Variants in SLF2 observed in about 807,000 individuals in gnomAD.
The protein encoded by SLF2 is SMC5-SMC6 complex localization factor protein 2.
SLF2 carries 68 observed loss-of-function variants against 124.3 expected under a neutral mutation model. That is an observed-to-expected ratio of 0.55 (90% CI 0.45 to 0.67). The LOEUF (loss-of-function observed/expected upper bound fraction) is 0.67. Among genes scored for constraint, SLF2 ranks in the 30% least tolerant of loss-of-function variants. The probability of loss-of-function intolerance (pLI) is 0.00; values close to 1 mark genes in which losing one functional copy is unlikely to be tolerated. For missense variants in SLF2, 1,246 were observed against 1,373.7 expected (o/e 0.91, Z 1.47); for synonymous variants, 480 against 478.8 (o/e 1.00, Z -0.03).
intron 18 of SLF2, among the ~76,000 whole-genome samples, chr10:100,957,005 A>G (rs1405620872): frequency 6.6e-6 from 1 of 152,212 alleles, no homozygotes; most frequent in Non-Finnish European, 1.5e-5. Context: ...AAATTAGTGT[A>G]GCTAAATTAA....
At chr10:100,923,162 A>G (rs953306180) in intron 4 of SLF2, among the ~76,000 whole-genome samples, 1 of 152,202 alleles carries the variant, frequency 6.6e-6, no homozygotes, top group African/African-American at 2.4e-5. Context: ...AATATAGCTT[A>G]TATTAGTTTC....
chr10:100,929,978 G>A lies in SLF2; in HGVS notation c.2314G>A (p.Val772Ile), dbSNP rs1351919921. 2.0e-6 allele frequency: 3 copies of A among 1,524,942 alleles called. No homozygotes were observed. Among genetic ancestry groups the A allele is most frequent in the Middle Eastern group, 1.8e-4 (1 of 5,668 alleles). 94.5% of individuals were successfully genotyped at this position (1,524,942 alleles called of 1,614,324 possible). A position where few individuals can be genotyped will look rare whatever the true frequency, so the allele number is the denominator to read the frequency against. ...RDSGFIGQSAVEKLILKSGKT... is the reference protein window; with the variant it reads ...RDSGFIGQSAIEKLILKSGKT... ...CTCTGGTTTTATTGGACAAAGTGCT[G>A]TAGAAAAACTTATTCTTAAGTAAGT... Residue 772 changes from valine (V) to isoleucine (I), a missense_variant, in exon 8 of 20, where the codon GTA (valine) becomes ATA (isoleucine). Transcript: ENST00000238961.
In SLF2 at chr10:100,924,100, G is replaced by A. The variant is rs752803494; in HGVS notation, c.1099G>A (p.Gly367Arg). The A allele has an allele frequency of 5.0e-5, 81 of 1,613,360 alleles. No homozygotes were observed. Among genetic ancestry groups the A allele is most frequent in the East Asian group, 8.9e-5 (4 of 44,892 alleles). Reference sequence around the variant, plus strand: ...GTCCTTCCTTGAGAAGCGTCCTGATGGACCACATCAGAAAGAAAAATTTAT... The same window carrying A: ...GTCCTTCCTTGAGAAGCGTCCTGATAGACCACATCAGAAAGAAAAATTTAT... The part of the protein sequence containing the change: ...RESFLEKRPD[G>R]PHQKEKFIKH... The change falls in exon 5 of 20, where the codon GGA becomes AGA. Residue 367 changes from glycine (G) to arginine (R), a missense_variant. This residue lies in a region of SLF2 where 698 missense variants were observed against 708.9 expected (regional missense o/e 0.98). Coordinates refer to ENST00000238961, the MANE Select transcript of SLF2 (RefSeq NM_018121.4).
chr10:100,922,885 C>T (rs535035404), intron 4 of SLF2, among the ~76,000 whole-genome samples: 2 of 151,762 alleles, frequency 1.3e-5, no homozygotes, highest in African/African-American at 4.8e-5. Context: ...AAGCGATTCT[C>T]CTGTCTTGGC....
chr10:100,938,900 A>G (rs1371833658), intron 11 of SLF2, among the ~76,000 whole-genome samples, 164 bp downstream of exon 11: 1 of 152,256 alleles, frequency 6.6e-6, no homozygotes, highest in South Asian at 2.1e-4. Flanking sequence ...TCTAAAAGCC[A>G]TCATCATGTT....
chr10:100,917,278 G>GA lies in SLF2; in HGVS notation c.899dup (p.Asn300LysfsTer2). ...AGGAAACAGAATGACATCATACCTG[G>GA]AAAAAATAATCTGTCAAATGTGGTA... On this transcript the variant is annotated frameshift_variant, in exon 3 of 20. Transcript: ENST00000238961. LOFTEE classifies it high-confidence loss of function. 6.2e-7 allele frequency: 1 copy of GA among 1,608,908 alleles called. No homozygotes were observed. The highest frequency in any genetic ancestry group is 8.5e-7 in the Non-Finnish European group (1 of 1,178,388).
chr10:100,943,376 G>T (rs12355141), intron 11 of SLF2, among the ~76,000 whole-genome samples: 53,918 of 152,132 alleles, frequency 0.35, 10,943 homozygotes, highest in Middle Eastern at 0.53. Flanking sequence ...GGAAGGAAAC[G>T]AGTGGTTATA....
chr10:100,944,299 T>A (rs891252058), intron 12 of SLF2, among the ~76,000 whole-genome samples, 171 bp downstream of exon 12: 6 of 151,756 alleles, frequency 4.0e-5, no homozygotes, highest in South Asian at 2.1e-4. Flanking sequence ...ATCGAGACCA[T>A]CCTGGCTAAC....
At chr10:100,942,668 G>A (rs1279355262) in intron 11 of SLF2, among the ~76,000 whole-genome samples, 2 of 152,114 alleles carry the variant, frequency 1.3e-5, no homozygotes, top group African/African-American at 2.4e-5. Flanking sequence ...ACAGGCACCC[G>A]CCACCACGCC....
intron 17 of SLF2, among the ~76,000 whole-genome samples, chr10:100,952,186 G>C (rs1369067018): frequency 6.6e-6 from 1 of 152,086 alleles, no homozygotes; most frequent in Non-Finnish European, 1.5e-5. Context: ...GGAGGTTGCA[G>C]TGAGGCAAGA....
Position 100,950,192 on chromosome 10 carries a change from A to G in SLF2, c.3237A>G (p.Leu1079=), listed in dbSNP as rs765103138. Residue 1079 remains leucine, a synonymous_variant, in exon 16 of 20, where the codon TTA becomes TTG. Transcript: ENST00000238961. ...PDGIIDDSLH[L]ELEKQAYYLT... Reference sequence around the variant, plus strand: ...GCATTATTGATGACAGTCTTCATTTAGAACTTGAAAAGCAGGTATCCAGTG... The same window carrying G: ...GCATTATTGATGACAGTCTTCATTTGGAACTTGAAAAGCAGGTATCCAGTG... 1.9e-6 allele frequency: 3 copies of G among 1,613,442 alleles called. No individual in the cohort carries two copies. In the Admixed American group the frequency reaches 5.0e-5, roughly 27 times the overall value.
intron 17 of SLF2, among the ~76,000 whole-genome samples, chr10:100,951,474 A>G (rs1407503962): frequency 6.6e-6 from 1 of 152,218 alleles, no homozygotes; most frequent in Non-Finnish European, 1.5e-5. Flanking sequence ...TGCAGTTTAC[A>G]TAGCATTTTC....
chr10:100,923,321 C>A (rs1228658603), intron 4 of SLF2, among the ~76,000 whole-genome samples: 1 of 152,146 alleles, frequency 6.6e-6, no homozygotes, highest in Non-Finnish European at 1.5e-5. Context: ...TACTTCCTTA[C>A]CTCGTCTAGC....
chr10:100,935,559 A>G (rs1849830224), intron 9 of SLF2, among the ~76,000 whole-genome samples: 1 of 151,644 alleles, frequency 6.6e-6, no homozygotes, highest in Non-Finnish European at 1.5e-5. Context: ...GCAGGCCTAT[A>G]GGCCCAACTA....
At chr10:100,919,802 C>T (rs776819343) in intron 4 of SLF2, among the ~76,000 whole-genome samples, 3 of 152,164 alleles carry the variant, frequency 2.0e-5, no homozygotes, top group African/African-American at 7.2e-5. Flanking sequence ...GCTTCTAATT[C>T]GTTTGAACCT....
chr10:100,942,060 TACA>T, intron 11 of SLF2, among the ~76,000 whole-genome samples: 1 of 152,170 alleles, frequency 6.6e-6, no homozygotes. Context: ...CCTCTACATT[TACA>T]ACACTTCTGG....
In SLF2 at chr10:100,947,836, A is replaced by G. The variant is rs146720472; in HGVS notation, c.3109A>G (p.Ser1037Gly). 2.1e-4 allele frequency: 343 copies of G among 1,608,138 alleles called. 2 individuals carry two copies. The East Asian group carries it at 7.3e-3, about 34-fold the overall frequency. ...DEKHEDVPNASNLQVSVLHRY... is the reference protein window; with the variant it reads ...DEKHEDVPNAGNLQVSVLHRY... ...GAAACACGAAGATGTTCCTAATGCC[A>G]GTAATCTGCAGGTATAAATAAATAC... The change falls in exon 15 of 20, where the codon AGT (serine) becomes GGT (glycine). Residue 1037 changes from serine to glycine, a missense_variant. Ser to Gly is a moderately conservative substitution (Grantham distance 56). This residue lies in a region of SLF2 where 535 missense variants were observed against 632.8 expected (regional missense o/e 0.85). Coordinates refer to ENST00000238961, the MANE Select transcript of SLF2 (RefSeq NM_018121.4).
rs117032966 is a variant in SLF2 at position 100,929,732 on chromosome 10, A to G, written c.2166-98A>G. Reference sequence around the variant, plus strand: ...GCTAGTCTTCTAATTTGGGATTAACATTGGCTTAAAAAATGGTTTTCTTTG... The same window carrying G: ...GCTAGTCTTCTAATTTGGGATTAACGTTGGCTTAAAAAATGGTTTTCTTTG... On this transcript the variant is annotated intron_variant, in intron 7 of 19. Coordinates refer to ENST00000238961, the MANE Select transcript of SLF2 (RefSeq NM_018121.4). 7.5e-3 allele frequency: 7,142 copies of G among 948,202 alleles called. 32 individuals are homozygous for G. Among genetic ancestry groups the G allele is most frequent in the Non-Finnish European group, 8.7e-3 (5,641 of 647,470 alleles). 58.7% of individuals were successfully genotyped at this position (948,202 alleles called of 1,614,324 possible). A position where few individuals can be genotyped will look rare whatever the true frequency, so the allele number is the denominator to read the frequency against.
chr10:100,916,153 T>C (rs1849409240), intron 2 of SLF2, 111 bp downstream of exon 2: 1 of 772,762 alleles, frequency 1.3e-6, no homozygotes, highest in Non-Finnish European at 2.0e-6. Context: ...GTGTTCAAAA[T>C]TGAAAATAAA....
Sources: gnomAD v4.1 joint callset for allele counts (sites outside exome capture counted in the v4.1 genomes callset) on GRCh38, gnomAD v4.1.1 for gene constraint, gnomAD v4.1.1 regional missense constraint, MANE v1.5 for transcripts, NCBI Gene and HGNC (gene_info 2026-07-23, HGNC 2026-07-21) for gene names.